The following LIMCH1 variants were observed in gnomAD, a reference collection of about 807,000 sequenced individuals.
LIMCH1 encodes LIM and calponin homology domains-containing protein 1.
Under a neutral mutation model 176.5 loss-of-function variants are expected in LIMCH1, and 113 were observed. The ratio of observed to expected loss-of-function variants is 0.64; its 90% CI spans 0.55 to 0.75. LIMCH1 has a LOEUF of 0.75. LIMCH1 is among the 30% of genes least tolerant of loss of function. The pLI, the probability that LIMCH1 is intolerant of heterozygous loss-of-function variation, is 0.00. For synonymous variants in LIMCH1, 619 were observed against 645.9 expected (o/e 0.96, Z 0.63); for missense variants, 1,674 against 1,814.9 (o/e 0.92, Z 1.41).
At chr4:41,611,950 CT>C (rs911682182) in intron 4 of LIMCH1, among the ~76,000 whole-genome samples, 1 of 152,144 alleles carries the variant, frequency 6.6e-6, no homozygotes, top group Non-Finnish European at 1.5e-5. Context: ...TCCTGGTTAA[CT>C]TTTGACCTAA....
rs867406306 is a variant in LIMCH1, at chr4:41,360,876, G to T, written c.36G>T (p.Gln12His). The T allele has an allele frequency of 6.3e-7, 1 of 1,584,058 alleles. No homozygotes were observed. The highest frequency in any genetic ancestry group is 8.6e-7 in the Non-Finnish European group (1 of 1,168,492). The change falls in exon 1 of 27, where the codon CAG (glutamine) becomes CAT (histidine). Residue 12 changes from glutamine (Q) to histidine (H), a missense_variant. Transcript: ENST00000313860. The surrounding 1 kb of genome is among the most constrained non-coding windows in gnomAD (Gnocchi z 4.5). Reference sequence around the variant, plus strand: ...CCGCTCTCGGTCTGGAAGCTCTTCAGCCCCTGCAGCCCGAGCCGCCCCCCG... The same window carrying T: ...CCGCTCTCGGTCTGGAAGCTCTTCATCCCCTGCAGCCCGAGCCGCCCCCCG...
At chr4:41,510,628 G>A (rs556117859) in intron 2 of LIMCH1, among the ~76,000 whole-genome samples, 20 of 151,550 alleles carry the variant, frequency 1.3e-4, no homozygotes, top group Middle Eastern at 6.8e-3. Flanking sequence ...CATTCTTGTC[G>A]CCTAGGCTGG....
intron 1 of LIMCH1, among the ~76,000 whole-genome samples, chr4:41,563,466 C>T (rs1456002616): frequency 6.6e-6 from 1 of 152,162 alleles, no homozygotes; most frequent in African/African-American, 2.4e-5. Context: ...ATTAAGTAAG[C>T]AGCCCAGATA....
At chr4:41,485,109 G>A (rs980983770) in intron 1 of LIMCH1, among the ~76,000 whole-genome samples, 1 of 152,138 alleles carries the variant, frequency 6.6e-6, no homozygotes, top group African/African-American at 2.4e-5. Context: ...CCATAAAGTT[G>A]TGTGGTTTTC....
intron 1 of LIMCH1, among the ~76,000 whole-genome samples, chr4:41,575,617 T>C (rs2084333041): frequency 6.6e-6 from 1 of 152,246 alleles, no homozygotes; most frequent in Non-Finnish European, 1.5e-5. Flanking sequence ...AGTAGGAAGA[T>C]GTTTAAGGTT....
intron 1 of LIMCH1, among the ~76,000 whole-genome samples, chr4:41,566,221 A>G (rs541675927): frequency 6.6e-6 from 1 of 152,134 alleles, no homozygotes; most frequent in Non-Finnish European, 1.5e-5. Flanking sequence ...ACTCTTGTTA[A>G]TGTTGATATT....
chr4:41,486,013 G>A (rs1445204564), intron 1 of LIMCH1, among the ~76,000 whole-genome samples: 1 of 152,176 alleles, frequency 6.6e-6, no homozygotes, highest in Non-Finnish European at 1.5e-5. Flanking sequence ...TAGAGGTCAA[G>A]CATAACTCTT....
intron 17 of LIMCH1, among the ~76,000 whole-genome samples, chr4:41,647,602 T>G (rs939301477): frequency 1.3e-5 from 2 of 152,234 alleles, no homozygotes; most frequent in African/African-American, 4.8e-5. Flanking sequence ...TCTTAAGTTC[T>G]TTTGACTTGT....
intron 1 of LIMCH1, among the ~76,000 whole-genome samples, chr4:41,492,987 C>CAT (rs997330431): frequency 1.3e-5 from 2 of 151,916 alleles, no homozygotes; most frequent in East Asian, 1.9e-4. Flanking sequence ...TACATATAAC[C>CAT]ATATATATAT....
At chr4:41,424,999 C>T (rs1037898457) in intron 1 of LIMCH1, among the ~76,000 whole-genome samples, 28 of 152,284 alleles carry the variant, frequency 1.8e-4, no homozygotes, top group Non-Finnish European at 1.9e-4. Flanking sequence ...ATATTCCTCT[C>T]GGCCACCAGA....
intron 1 of LIMCH1, among the ~76,000 whole-genome samples, chr4:41,597,955 C>G (rs756056384): frequency 1.5e-4 from 23 of 152,182 alleles, no homozygotes; most frequent in African/African-American, 5.6e-4. Flanking sequence ...ATACGTGATT[C>G]TGTAATCACC....
At chr4:41,551,547 G>A (rs941298523) in intron 1 of LIMCH1, among the ~76,000 whole-genome samples, 1 of 152,168 alleles carries the variant, frequency 6.6e-6, no homozygotes, top group African/African-American at 2.4e-5. Context: ...AAATTAGAGT[G>A]TTTGGATGAA....
chr4:41,414,129 G>T (rs1418716127), intron 1 of LIMCH1, among the ~76,000 whole-genome samples: 2 of 152,126 alleles, frequency 1.3e-5, no homozygotes, highest in Non-Finnish European at 1.5e-5. Flanking sequence ...ATATAATCCT[G>T]TATTATTCAT....
chr4:41,379,766 A>T (rs1397800053), intron 1 of LIMCH1, among the ~76,000 whole-genome samples: 2 of 152,162 alleles, frequency 1.3e-5, no homozygotes, highest in African/African-American at 4.8e-5. Context: ...TATATTTTCC[A>T]AAATAGGTCT....
chr4:41,679,999 A>G lies in LIMCH1; in HGVS notation c.3520-7A>G, dbSNP rs775177284. On this transcript the variant is annotated splice_region_variant and splice_polypyrimidine_tract_variant and intron_variant, in intron 23 of 31. Transcript: ENST00000503057. ...GTTGAGAACAATCTATGGAAATTCC[A>G]TAACAGGAGAGATACCAGAAGGAGC... is the stretch of plus-strand genomic sequence containing the variant. 2.2e-5 allele frequency: 35 copies of G among 1,600,696 alleles called. No individual in the cohort carries two copies. Among genetic ancestry groups the G allele is most frequent in the East Asian group, 6.7e-5 (3 of 44,618 alleles).
intron 1 of LIMCH1, among the ~76,000 whole-genome samples, chr4:41,581,537 T>C (rs2085438310): frequency 6.6e-6 from 1 of 152,138 alleles, no homozygotes; most frequent in Non-Finnish European, 1.5e-5. Flanking sequence ...CCGGGCGCAG[T>C]GGCTCACACC....
chr4:41,482,220 T>G (rs894621401), intron 1 of LIMCH1, among the ~76,000 whole-genome samples: 31 of 152,204 alleles, frequency 2.0e-4, no homozygotes, highest in Non-Finnish European at 5.9e-5. Flanking sequence ...AATTGGATAC[T>G]TGATTCTGGA....
At chr4:41,489,954 G>A (rs1360581057) in intron 1 of LIMCH1, among the ~76,000 whole-genome samples, 1 of 152,066 alleles carries the variant, frequency 6.6e-6, no homozygotes, top group South Asian at 2.1e-4. Flanking sequence ...TTTTAATAAA[G>A]TAAGCTAGAG....
chr4:41,519,571 C>T (rs2075918015), intron 2 of LIMCH1, among the ~76,000 whole-genome samples: 1 of 152,144 alleles, frequency 6.6e-6, no homozygotes, highest in Non-Finnish European at 1.5e-5. Context: ...AAGCTATAGA[C>T]ATTTGTTGAC....
Sources: allele counts gnomAD v4.1 joint callset (sites outside exome capture counted in the v4.1 genomes callset), GRCh38; gene constraint gnomAD v4.1.1; non-coding constraint Gnocchi (gnomAD v3.1); transcripts MANE v1.5; gene names NCBI Gene and HGNC (gene_info 2026-07-23, HGNC 2026-07-21).